RIF1: variants seen among roughly 807,000 people sequenced by gnomAD.
RIF1 encodes telomere-associated protein RIF1.
In RIF1, 45 loss-of-function variants were observed where a neutral mutation model predicts 247.1. That is an observed-to-expected ratio of 0.18 (90% CI 0.14 to 0.23). The LOEUF is 0.23. RIF1 is among the 10% of genes least tolerant of loss of function. The pLI, the probability that RIF1 is intolerant of heterozygous loss-of-function variation, is 1.00. For synonymous variants in RIF1, 1,087 were observed against 978.8 expected (o/e 1.11, Z -2.06); for missense variants, 2,967 against 2,862.5 (o/e 1.04, Z -0.83).
At chr2:151,506,426 C>G (rs1365675068) in intron 13 of RIF1, 1 of 598,514 alleles carries the variant, frequency 1.7e-6, no homozygotes, top group Non-Finnish European at 3.0e-6. Flanking sequence ...ATCAGTGACT[C>G]AGACCAGTTA....
At chr2:151,448,544 A>G (rs1693716934) in intron 20 of RIF1, among the ~76,000 whole-genome samples, 2 of 152,202 alleles carry the variant, frequency 1.3e-5, no homozygotes, top group Non-Finnish European at 2.9e-5. Flanking sequence ...AATGTAAATC[A>G]GATCTTGTCA....
the RIF1 span, chr2:151,534,112 C>G: frequency 1.2e-6 from 1 of 863,300 alleles, no homozygotes; most frequent in Non-Finnish European, 1.8e-6. Context: ...AACCCAATAT[C>G]ATAGGCAGAA....
chr2:151,437,020 A>C lies in RIF1; in HGVS notation c.1372+17A>C. 6.3e-7 allele frequency: 1 copy of C among 1,595,784 alleles called. No homozygotes were observed. The highest frequency in any genetic ancestry group is 8.5e-7 in the Non-Finnish European group (1 of 1,171,174). On this transcript the variant is annotated intron_variant, in intron 12 of 35. Coordinates refer to ENST00000444746, the MANE Select transcript of RIF1 (RefSeq NM_018151.5). Reference sequence around the variant, plus strand: ...TGAGCTTAGGTATTTAAAGGTTTTAAGAATAATTTTAATTACTAAAACAGT... The same window carrying C: ...TGAGCTTAGGTATTTAAAGGTTTTACGAATAATTTTAATTACTAAAACAGT...
chr2:151,436,839 C>T lies in RIF1; in HGVS notation c.1208C>T (p.Pro403Leu), dbSNP rs145491800. ...MTPVHKGASS[P>L]YGAPGTPRMN... is the part of the protein sequence containing the mutation. ...TTTTTTCTTAAAGGTGCTTCCTCCC[C>T]GTACGGAGCCCCGGGAACTCCCCGA... The change falls in exon 12 of 36, where the codon CCG (proline) becomes CTG (leucine). Residue 403 changes from proline to leucine, a missense_variant. Around this residue, in one of 7 missense-constraint regions of RIF1, gnomAD observed 369 missense variants for 322.0 expected, o/e 1.15. Transcript: ENST00000444746. The T allele has an allele frequency of 5.3e-4, 850 of 1,597,670 alleles. 3 individuals are homozygous for T. Among genetic ancestry groups the T allele is most frequent in the Non-Finnish European group, 6.1e-4 (720 of 1,173,984 alleles).
rs571164028 is a variant in RIF1 at position 151,463,419 on chromosome 2, A to G, written c.3899A>G (p.Lys1300Arg). Residue 1300 changes from lysine to arginine, a missense_variant, in exon 30 of 36, where the codon AAA (lysine) becomes AGA (arginine). Physicochemically the swap from Lys to Arg is conservative, Grantham distance 26. Coordinates refer to ENST00000444746, the MANE Select transcript of RIF1 (RefSeq NM_018151.5). ...RAGKAEQTGNKRSKPLMRSEP... is the reference protein window; with the variant it reads ...RAGKAEQTGNRRSKPLMRSEP... ...GGTAAAGCTGAACAAACAGGGAATA[A>G]AAGGTCTAAGCCCTTAATGAGATCT... 3.2e-5 allele frequency: 51 copies of G among 1,613,996 alleles called. No homozygotes were observed. In the East Asian group the frequency reaches 1.1e-3, roughly 34 times the overall value.
intron 20 of RIF1, among the ~76,000 whole-genome samples, chr2:151,450,792 C>T (rs1040298925): frequency 1.3e-5 from 2 of 152,142 alleles, no homozygotes; most frequent in Non-Finnish European, 2.9e-5. Flanking sequence ...CCATGTTGGC[C>T]AGGCTGGTCT....
intron 10 of RIF1, chr2:151,499,155 T>G (rs1337135564): frequency 4.0e-6 from 2 of 498,552 alleles, no homozygotes; most frequent in African/African-American, 3.9e-5. Context: ...GAAAACTGAT[T>G]CATAGGAAAT....
chr2:151,450,765 G>A (rs1036989883), intron 20 of RIF1, among the ~76,000 whole-genome samples: 1 of 152,042 alleles, frequency 6.6e-6, no homozygotes, highest in Non-Finnish European at 1.5e-5. Flanking sequence ...TGTGTTTTTA[G>A]TAGAGACGGG....
At chr2:151,418,529 T>A (rs1049039922) in intron 6 of RIF1, among the ~76,000 whole-genome samples, 2 of 152,182 alleles carry the variant, frequency 1.3e-5, no homozygotes, top group Non-Finnish European at 2.9e-5. Flanking sequence ...TTAAAATTTT[T>A]AAACTTTTTG....
In RIF1 at chr2:151,468,710, G is replaced by A; in HGVS notation, c.6895G>A (p.Val2299Met). The change falls in exon 33 of 36, where the codon GTG becomes ATG. Residue 2299 changes from valine (V) to methionine (M), a missense_variant. Val to Met is a conservative substitution (Grantham distance 21). Around this residue, in one of 7 missense-constraint regions of RIF1, gnomAD observed 2,028 missense variants for 1,825.6 expected, o/e 1.11. Coordinates refer to ENST00000444746, the MANE Select transcript of RIF1 (RefSeq NM_018151.5). ...TGTTTACCCACCATTGGTGAACTGTGTGGCACCAGTTGACATCATTTTACC... is the reference window on the plus strand; with the variant it reads ...TGTTTACCCACCATTGGTGAACTGTATGGCACCAGTTGACATCATTTTACC... ...ESVYPPLVNC[V>M]APVDIILPQI... is the part of the protein sequence containing the mutation. 5.0e-6 allele frequency: 8 copies of A among 1,613,896 alleles called. No homozygotes were observed. Among genetic ancestry groups the A allele is most frequent in the Non-Finnish European group, 6.8e-6 (8 of 1,179,788 alleles).
At chr2:151,458,765 C>A in intron 24 of RIF1, 46 bp from the exon 25 acceptor site, 2 of 1,056,180 alleles carry the variant, frequency 1.9e-6, no homozygotes, top group Non-Finnish European at 1.4e-6. Context: ...CAGTGTTCAC[C>A]AGTACTACTT....
the RIF1 span, chr2:151,524,497 T>C: frequency 1.1e-5 from 17 of 1,613,670 alleles, no homozygotes; most frequent in Non-Finnish European, 1.4e-5. Flanking sequence ...ACTGGGGACA[T>C]TTTCATGACA....
intron 14 of RIF1, 96 bp downstream of exon 14, chr2:151,438,842 T>C (rs182002449): frequency 4.0e-6 from 3 of 746,058 alleles, no homozygotes; most frequent in East Asian, 5.4e-5. Flanking sequence ...CTATATAAAA[T>C]TTATTTTAAA....
intron 34 of RIF1, among the ~76,000 whole-genome samples, chr2:151,471,544 G>GTA (rs1223209891): frequency 6.6e-6 from 1 of 152,144 alleles, no homozygotes; most frequent in Non-Finnish European, 1.5e-5. Flanking sequence ...ATTAATTTTT[G>GTA]TATAAGGTGT....
downstream of RIF1, among the ~76,000 whole-genome samples, chr2:151,509,613 GTT>G (rs112997385): frequency 6.7e-6 from 1 of 148,706 alleles, no homozygotes; most frequent in African/African-American, 2.5e-5. Context: ...AGGAAGAGAG[GTT>G]TTTTTTTTGT....
chr2:151,431,310 A>G (rs1166184854), intron 9 of RIF1, among the ~76,000 whole-genome samples: 1 of 152,208 alleles, frequency 6.6e-6, no homozygotes, highest in East Asian at 1.9e-4. Context: ...CCTTCTAAGA[A>G]TCTTATATAC....
chr2:151,430,090 G>C (rs754685546), intron 9 of RIF1, among the ~76,000 whole-genome samples: 4 of 149,840 alleles, frequency 2.7e-5, no homozygotes, highest in Non-Finnish European at 4.4e-5. Flanking sequence ...GCACAATCTC[G>C]GCTCACTGCA....
At chr2:151,513,398 G>C in the RIF1 span, among the ~76,000 whole-genome samples, 2 of 152,320 alleles carry the variant, frequency 1.3e-5, no homozygotes, top group South Asian at 4.1e-4. Context: ...AAGGTAGACA[G>C]CAATGAGCCT....
At chr2:151,418,213 C>T (rs1012167413) in intron 6 of RIF1, among the ~76,000 whole-genome samples, 1 of 152,106 alleles carries the variant, frequency 6.6e-6, no homozygotes, top group Non-Finnish European at 1.5e-5. Context: ...CTTTCTGTAA[C>T]TTTATTTTTT....
Sources: gnomAD v4.1 joint callset for allele counts (sites outside exome capture counted in the v4.1 genomes callset) on GRCh38, gnomAD v4.1.1 for gene constraint, gnomAD v4.1.1 regional missense constraint, MANE v1.5 for transcripts, NCBI Gene and HGNC (gene_info 2026-07-23, HGNC 2026-07-21) for gene names.